CCBE1: variants seen among roughly 807,000 people sequenced by gnomAD.
The protein encoded by CCBE1 is collagen and calcium binding EGF domains 1, also known as collagen and calcium-binding EGF domain-containing protein 1.
In CCBE1, 37 loss-of-function variants were observed where a neutral mutation model predicts 50.0. The ratio of observed to expected loss-of-function variants is 0.74; its 90% confidence interval spans 0.57 to 0.97. The LOEUF is 0.97. Among genes scored for constraint, CCBE1 ranks in the 50% least tolerant of loss-of-function variants. The probability of loss-of-function intolerance (pLI) is 0.00; values close to 1 mark genes in which losing one functional copy is unlikely to be tolerated. For synonymous variants in CCBE1, 234 were observed against 203.7 expected, an observed-to-expected ratio of 1.15 and a Z score of -1.27; for missense variants, 538 against 523.8, an observed-to-expected ratio of 1.03 and a Z score of -0.26.
In CCBE1 at chr18:59,685,040, AAC is replaced by A. The variant is rs1435503851; in HGVS notation, c.212+11587_212+11588del. 2.0e-5 allele frequency among the ~76,000 whole-genome samples: 3 copies of A among 152,332 alleles called. No homozygotes were observed. The East Asian group carries it at 5.8e-4, about 29-fold the overall frequency. Reference sequence around the variant, plus strand: ...TGTTTGATACTCACAAGGAAAGAAAAACACAGCTTGACACTGAAAAGCTTTCA... The same window carrying A: ...TGTTTGATACTCACAAGGAAAGAAAAACAGCTTGACACTGAAAAGCTTTCA... On this transcript the variant is annotated intron_variant, in intron 2 of 10. Transcript: ENST00000439986.
intron 2 of CCBE1, among the ~76,000 whole-genome samples, chr18:59,619,148 A>G (rs2053678133): frequency 6.6e-6 from 1 of 152,256 alleles, no homozygotes; most frequent in Non-Finnish European, 1.5e-5. Flanking sequence ...ATCATATTAA[A>G]AATGATGCCA....
intron 2 of CCBE1, among the ~76,000 whole-genome samples, chr18:59,614,581 C>T (rs893899616): frequency 1.3e-5 from 2 of 152,162 alleles, no homozygotes; most frequent in Non-Finnish European, 1.5e-5. Flanking sequence ...TTCTCAAGAC[C>T]CATGCTATGG....
intron 2 of CCBE1, among the ~76,000 whole-genome samples, chr18:59,583,938 G>A (rs1290391577): frequency 1.3e-5 from 2 of 152,146 alleles, no homozygotes; most frequent in Non-Finnish European, 2.9e-5. Flanking sequence ...GGAAGTCAGT[G>A]TGGCGATTCC....
At chr18:59,522,859 G>T (rs540201281) in intron 2 of CCBE1, among the ~76,000 whole-genome samples, 1 of 151,964 alleles carries the variant, frequency 6.6e-6, no homozygotes, top group South Asian at 2.1e-4. Flanking sequence ...GGGCGTGGTG[G>T]CGGGCGCCTG....
chr18:59,520,694 C>T (rs959632842), intron 2 of CCBE1, among the ~76,000 whole-genome samples: 1 of 152,236 alleles, frequency 6.6e-6, no homozygotes, highest in African/African-American at 2.4e-5. Context: ...TATCTGAAGT[C>T]ATGTTTCCTG....
intron 2 of CCBE1, among the ~76,000 whole-genome samples, chr18:59,534,431 C>T (rs974019692): frequency 3.9e-5 from 6 of 152,174 alleles, no homozygotes; most frequent in Admixed American, 2.0e-4. Context: ...AGCCATACAC[C>T]TAACCAGCCA....
At chr18:59,616,476 C>G (rs2053638260) in intron 2 of CCBE1, among the ~76,000 whole-genome samples, 1 of 152,176 alleles carries the variant, frequency 6.6e-6, no homozygotes, top group African/African-American at 2.4e-5. Flanking sequence ...AAAAGCCGCC[C>G]CTTTCCCTTC....
intron 2 of CCBE1, among the ~76,000 whole-genome samples, chr18:59,563,167 C>T (rs1294002101): frequency 6.6e-6 from 1 of 152,150 alleles, no homozygotes; most frequent in African/African-American, 2.4e-5. Context: ...AGGTACAGGT[C>T]CAGGCATGGA....
intron 2 of CCBE1, among the ~76,000 whole-genome samples, chr18:59,621,840 C>T (rs368126923): frequency 7.9e-5 from 12 of 152,268 alleles, no homozygotes; most frequent in East Asian, 7.7e-4. Context: ...TCAAACATCA[C>T]GAACATCAGC....
intron 9 of CCBE1, 87 bp from the exon 10 acceptor site, chr18:59,438,233 T>G: frequency 8.7e-7 from 1 of 1,149,266 alleles, no homozygotes; most frequent in South Asian, 1.2e-5. Context: ...CATAACCACT[T>G]CCCTGCACAA....
At chr18:59,534,161 T>C (rs1448283112) in intron 2 of CCBE1, among the ~76,000 whole-genome samples, 2 of 152,154 alleles carry the variant, frequency 1.3e-5, no homozygotes, top group Non-Finnish European at 2.9e-5. Flanking sequence ...GATAAATGAA[T>C]GTTTGACTCT....
intron 2 of CCBE1, among the ~76,000 whole-genome samples, chr18:59,488,562 T>C (rs555328535): frequency 6.6e-6 from 1 of 152,176 alleles, no homozygotes; most frequent in South Asian, 2.1e-4. Flanking sequence ...CAAGCGATGA[T>C]CTTTTCATAA....
At chr18:59,561,491 G>A (rs1461031177) in intron 2 of CCBE1, among the ~76,000 whole-genome samples, 2 of 152,164 alleles carry the variant, frequency 1.3e-5, no homozygotes, top group African/African-American at 2.4e-5. Flanking sequence ...TAGAGTGCAG[G>A]CGTGTAACTC....
chr18:59,575,715 A>G (rs1319027111), intron 2 of CCBE1, among the ~76,000 whole-genome samples: 1 of 152,182 alleles, frequency 6.6e-6, no homozygotes, highest in Admixed American at 6.5e-5. Context: ...TTTGACCATC[A>G]TTGATAGGGT....
chr18:59,437,373 G>A (rs1184858636), intron 10 of CCBE1, among the ~76,000 whole-genome samples: 2 of 152,196 alleles, frequency 1.3e-5, no homozygotes, highest in Non-Finnish European at 2.9e-5. Flanking sequence ...GACCCTCACA[G>A]TAGCCACTTC....
At chr18:59,659,076 A>G (rs1435055077) in intron 2 of CCBE1, among the ~76,000 whole-genome samples, 2 of 152,178 alleles carry the variant, frequency 1.3e-5, no homozygotes, top group East Asian at 1.9e-4. Context: ...GAGCCCGTGC[A>G]TGCCACGCGT....
chr18:59,578,166 G>A (rs568125019), intron 2 of CCBE1, among the ~76,000 whole-genome samples: 1 of 152,270 alleles, frequency 6.6e-6, no homozygotes, highest in Non-Finnish European at 1.5e-5. Flanking sequence ...CTTCTTAAAA[G>A]AAGACATTTA....
At chr18:59,519,650 T>G (rs890604797) in intron 2 of CCBE1, among the ~76,000 whole-genome samples, 2 of 152,258 alleles carry the variant, frequency 1.3e-5, no homozygotes, top group Non-Finnish European at 2.9e-5. Context: ...TAGTTTCTTT[T>G]GCTGTGCAGA....
intron 2 of CCBE1, among the ~76,000 whole-genome samples, chr18:59,596,050 T>A (rs1053421048): frequency 6.6e-6 from 1 of 152,250 alleles, no homozygotes; most frequent in Non-Finnish European, 1.5e-5. Context: ...TTTAATTCTA[T>A]AAACAAATCC....
Sources: gnomAD v4.1 joint callset for allele counts (sites outside exome capture counted in the v4.1 genomes callset) on GRCh38, gnomAD v4.1.1 for gene constraint, MANE v1.5 for transcripts, NCBI Gene and HGNC (gene_info 2026-07-23, HGNC 2026-07-21) for gene names.